TENT2: variants seen among roughly 807,000 people sequenced by gnomAD.
The protein encoded by TENT2 is terminal nucleotidyltransferase 2.
In TENT2, 44 loss-of-function variants were observed where a neutral mutation model predicts 72.2. The ratio of observed to expected loss-of-function variants is 0.61; its 90% CI spans 0.48 to 0.78. The LOEUF (loss-of-function observed/expected upper bound fraction) is 0.78, where lower values mean the gene tolerates loss of function less well. TENT2 is among the 30% of genes least tolerant of loss of function. TENT2 has a pLI of 0.00. For synonymous variants in TENT2, 212 were observed against 192.5 expected, an observed-to-expected ratio of 1.10 and a Z score of -0.84; for missense variants, 541 against 569.6, an observed-to-expected ratio of 0.95 and a Z score of 0.51.
chr5:79,676,296 C>A (rs1404989259), intron 12 of TENT2, among the ~76,000 whole-genome samples: 2 of 151,994 alleles, frequency 1.3e-5, no homozygotes, highest in Non-Finnish European at 2.9e-5. Flanking sequence ...AAAATACTTT[C>A]TGTGGTCACA....
At chr5:79,643,019 A>G (rs1785659776) in intron 7 of TENT2, 109 bp downstream of exon 7, 1 of 1,292,332 alleles carries the variant, frequency 7.7e-7, no homozygotes, top group Non-Finnish European at 1.0e-6. Flanking sequence ...GGATCAGTAT[A>G]ATATGAATTC....
intron 11 of TENT2, 133 bp from the exon 12 acceptor site, chr5:79,668,759 C>T (rs1372751588): frequency 2.9e-6 from 3 of 1,032,780 alleles, no homozygotes; most frequent in Non-Finnish European, 4.1e-6. Context: ...AGAAAAATTT[C>T]AGGTTTCCAA....
At chr5:79,616,134 A>C (rs181590769) in intron 1 of TENT2, among the ~76,000 whole-genome samples, 3 of 139,620 alleles carry the variant, frequency 2.1e-5, no homozygotes, top group East Asian at 2.1e-4. Flanking sequence ...TGATCTGCCC[A>C]CCTCGGCCTC....
chr5:79,666,367 T>G (rs1561564132), intron 11 of TENT2, among the ~76,000 whole-genome samples: 1 of 151,708 alleles, frequency 6.6e-6, no homozygotes, highest in Non-Finnish European at 1.5e-5. Flanking sequence ...TGGGGATGTC[T>G]TTTCTTTCTT....
intron 13 of TENT2, among the ~76,000 whole-genome samples, chr5:79,680,520 G>A (rs1820824193): frequency 6.6e-6 from 1 of 152,168 alleles, no homozygotes; most frequent in Non-Finnish European, 1.5e-5. Flanking sequence ...TTTTAACATA[G>A]CCTTTCTAAG....
chr5:79,623,463 A>G lies in TENT2; in HGVS notation c.439A>G (p.Ile147Val), dbSNP rs765851272. ...REIAFLEPRE[I>V]TLPEAKDKLS... ...AATTGCATTTTTAGAACCTAGAGAA[A>G]TCACACTGCCTGAGGCCAAAGATAA... The change falls in exon 4 of 15, where the codon ATC becomes GTC. Residue 147 changes from isoleucine to valine, a missense_variant. Coordinates refer to ENST00000453514, the MANE Select transcript of TENT2 (RefSeq NM_001114394.3). The G allele has an allele frequency of 3.1e-6, 5 of 1,609,508 alleles. No homozygotes were observed. Among genetic ancestry groups the G allele is most frequent in the South Asian group, 1.1e-5 (1 of 90,418 alleles).
intron 11 of TENT2, among the ~76,000 whole-genome samples, chr5:79,666,842 G>A (rs1301221096): frequency 6.6e-6 from 1 of 152,146 alleles, no homozygotes; most frequent in African/African-American, 2.4e-5. Context: ...AAAGTGCTGG[G>A]ATTACAAGCT....
rs1341588734 is a variant in TENT2, at chr5:79,623,407, A to G, written c.383A>G (p.Asp128Gly). 1 of 1,613,266 alleles carries G rather than the reference A, an allele frequency of 6.2e-7. No individual in the cohort carries two copies. The highest frequency in any genetic ancestry group is 8.5e-7 in the Non-Finnish European group (1 of 1,179,544). Residue 128 changes from aspartate to glycine, a missense_variant, in exon 4 of 15, where the codon GAT becomes GGT. By Grantham distance (94) the Asp-to-Gly change is moderately conservative (BLOSUM62 -1). Coordinates refer to ENST00000453514, the MANE Select transcript of TENT2 (RefSeq NM_001114394.3). ...PPLFHTHYVP[D>G]IVRCVPPFRE... ...TTGTTTCATACACATTATGTACCAG[A>G]TATAGTCAGATGTGTTCCACCTTTT...
Position 79,646,409 on chromosome 5 carries a change from ACC to A in TENT2, c.821+1219_821+1220del, listed in dbSNP as rs527644137. ...CTGGCAGATACCTAACCCTGTGCTT[ACC>A]CTAGGAGCAATGGTATAGTATTCAC... On this transcript the variant is annotated intron_variant, in intron 8 of 14. Coordinates refer to ENST00000453514, the MANE Select transcript of TENT2 (RefSeq NM_001114394.3). Among the ~76,000 whole-genome samples the A allele has an allele frequency of 1.6e-3, 242 of 152,278 alleles. 1 individual carries two copies. The highest frequency in any genetic ancestry group is 2.6e-3 in the Non-Finnish European group (174 of 68,016).
intron 14 of TENT2, among the ~76,000 whole-genome samples, chr5:79,683,864 C>T (rs1824273459): frequency 8.1e-6 from 1 of 123,234 alleles, no homozygotes; most frequent in Admixed American, 1.1e-4. Context: ...GCGGAGCTTG[C>T]AGTGAGCCGA....
intron 11 of TENT2, 100 bp from the exon 12 acceptor site, chr5:79,668,792 T>G (rs528174687): frequency 7.3e-7 from 1 of 1,368,324 alleles, no homozygotes. Flanking sequence ...AGTAAATTTC[T>G]TCTCTCTTTT....
chr5:79,626,409 G>A (rs960503160), intron 4 of TENT2, among the ~76,000 whole-genome samples: 5 of 150,996 alleles, frequency 3.3e-5, no homozygotes, highest in East Asian at 2.0e-4. Context: ...CTGTGTTCGC[G>A]CTATTCTCCT....
Position 79,687,977 on chromosome 5 carries a change from G to A in TENT2, c.*2704G>A, listed in dbSNP as rs767277810. On this transcript the variant is annotated 3_prime_UTR_variant, in exon 15 of 15. Coordinates refer to ENST00000453514, the MANE Select transcript of TENT2 (RefSeq NM_001114394.3). ...GTCATTTGGGATTACTGATGGTGAA[G>A]TCTAGCTGGTGTTAAGAGAATAAAT... Among the ~76,000 whole-genome samples, 3 of 148,650 alleles carry A rather than the reference G, an allele frequency of 2.0e-5. No individual in the cohort carries two copies. Among genetic ancestry groups the A allele is most frequent in the Non-Finnish European group, 4.4e-5 (3 of 67,792 alleles).
intron 11 of TENT2, among the ~76,000 whole-genome samples, chr5:79,666,985 T>G (rs896047227): frequency 1.3e-5 from 2 of 152,176 alleles, no homozygotes; most frequent in African/African-American, 4.8e-5. Context: ...TCAATAAGCA[T>G]GACCTGACTC....
chr5:79,653,432 G>A (rs983667475), intron 10 of TENT2, among the ~76,000 whole-genome samples: 19 of 152,178 alleles, frequency 1.2e-4, no homozygotes, highest in Admixed American at 1.3e-4. Flanking sequence ...GTTTGAGGTT[G>A]CAGTAAGCTA....
At chr5:79,659,517 G>A (rs1385707193) in intron 11 of TENT2, among the ~76,000 whole-genome samples, 1 of 109,642 alleles carries the variant, frequency 9.1e-6, no homozygotes. Flanking sequence ...CGGCGACAGA[G>A]CGAGACTCTG....
chr5:79,623,083 TTGTGCTGAA>T (rs1766450955), intron 3 of TENT2, among the ~76,000 whole-genome samples, 160 bp from the exon 4 acceptor site: 1 of 152,138 alleles, frequency 6.6e-6, no homozygotes, highest in African/African-American at 2.4e-5. Flanking sequence ...GAGGCATTTC[TTGTGCTGAA>T]CATGAATATT....
chr5:79,622,324 A>G (rs937167337), intron 3 of TENT2, among the ~76,000 whole-genome samples: 2 of 152,138 alleles, frequency 1.3e-5, no homozygotes, highest in African/African-American at 2.4e-5. Flanking sequence ...TCTATGACCC[A>G]TAGAATTTTC....
intron 7 of TENT2, 177 bp from the exon 8 acceptor site, chr5:79,644,946 A>C: frequency 2.0e-6 from 1 of 507,712 alleles, no homozygotes. Context: ...CCTAAATGGT[A>C]TTACTGGAGC....
Sources: allele counts gnomAD v4.1 joint callset (sites outside exome capture counted in the v4.1 genomes callset), GRCh38; gene constraint gnomAD v4.1.1; transcripts MANE v1.5; gene names NCBI Gene and HGNC (gene_info 2026-07-23, HGNC 2026-07-21).